NAA50: variants seen among roughly 807,000 people sequenced by gnomAD.
NAA50 encodes the protein N-alpha-acetyltransferase 50, NatE catalytic subunit, also known as N-alpha-acetyltransferase 50.
A neutral mutation model predicts 20.7 loss-of-function variants in NAA50; 7 were observed. The observed-to-expected ratio is 0.34, with a 90% CI of 0.19 to 0.63. The LOEUF (loss-of-function observed/expected upper bound fraction) is 0.63. Among genes scored for constraint, NAA50 ranks in the 30% least tolerant of loss-of-function variants. The pLI is 0.75. For synonymous variants in NAA50, 54 were observed against 70.6 expected, an observed-to-expected ratio of 0.77 and a Z score of 1.18; for missense variants, 111 against 199.1, an observed-to-expected ratio of 0.56 and a Z score of 2.66.
In NAA50 at chr3:113,719,343, C is replaced by G. The variant is rs1411862466; in HGVS notation, c.*2417G>C. 6.6e-6 allele frequency: 1 copy of G among 152,544 alleles called. No homozygotes were observed. Among genetic ancestry groups the G allele is most frequent in the Non-Finnish European group, 1.5e-5 (1 of 68,024 alleles). 9.4% of individuals were successfully genotyped at this position (152,544 alleles called of 1,614,324 possible). Reference sequence around the variant, plus strand: ...GTGTAATTTTAACCTATTTGCCCCACAGTAAAAACTATCTGTCCTGAAAAA... The same window carrying G: ...GTGTAATTTTAACCTATTTGCCCCAGAGTAAAAACTATCTGTCCTGAAAAA... On this transcript the variant is annotated 3_prime_UTR_variant, in exon 5 of 5. Transcript: ENST00000240922.
At chr3:113,726,332 C>T (rs35964005) in intron 1 of NAA50, among the ~76,000 whole-genome samples, 2,509 of 152,240 alleles carry the variant, frequency 0.016, 22 homozygotes, top group Non-Finnish European at 0.027. Context: ...AGTCTTTTCT[C>T]ATCCCAAGTA....
At position 113,721,660 on chromosome 3, in the gene NAA50, G is replaced by T; in HGVS notation, c.*100C>A. The T allele has an allele frequency of 7.9e-7, 1 of 1,265,910 alleles. No individual in the cohort carries two copies. Among genetic ancestry groups the T allele is most frequent in the Non-Finnish European group, 1.1e-6 (1 of 889,068 alleles). The allele number at this position is 1,265,910 out of a possible 1,614,324, so 78.4% of individuals were successfully genotyped here. ...AAAGAAAAACAAGAACAAGGAGGGA[G>T]AAAAGCTTTAAAAGAAAAGTGTTGG... On this transcript the variant is annotated 3_prime_UTR_variant, in exon 5 of 5. Transcript: ENST00000240922.
At chr3:113,722,191 A>G (rs1708143961) in intron 4 of NAA50, among the ~76,000 whole-genome samples, 1 of 152,176 alleles carries the variant, frequency 6.6e-6, no homozygotes, top group Admixed American at 6.5e-5. Flanking sequence ...AGGGAAAAGT[A>G]CCACAGCTAT....
At chr3:113,722,521 A>C (rs1346407400) in intron 4 of NAA50, among the ~76,000 whole-genome samples, 5 of 152,132 alleles carry the variant, frequency 3.3e-5, no homozygotes, top group African/African-American at 1.2e-4. Flanking sequence ...GATTTTGATT[A>C]TTAAACTCTA....
chr3:113,725,556 T>C (rs1708188775), intron 1 of NAA50, among the ~76,000 whole-genome samples: 1 of 152,098 alleles, frequency 6.6e-6, no homozygotes, highest in African/African-American at 2.4e-5. Context: ...CTTTGAGCCC[T>C]GGAGTTCAAG....
chr3:113,740,340 A>C (rs1241723031), intron 1 of NAA50, among the ~76,000 whole-genome samples: 2 of 152,200 alleles, frequency 1.3e-5, no homozygotes, highest in East Asian at 3.8e-4. Flanking sequence ...AGTTGTTTCA[A>C]ACATAAAAAC....
Position 113,717,795 on chromosome 3 carries a change from T to G in NAA50, c.*3965A>C, listed in dbSNP as rs1364226239. On this transcript the variant is annotated 3_prime_UTR_variant, in exon 5 of 5. Coordinates refer to ENST00000240922, the MANE Select transcript of NAA50 (RefSeq NM_025146.4). ...CTATTTCTTTTATATCCCGAATAAC[T>G]GTAAAGTGCAGTGCTTTATAACCCT... 6.6e-6 allele frequency: 1 copy of G among 152,202 alleles called. No individual in the cohort carries two copies. Among genetic ancestry groups the G allele is most frequent in the African/African-American group, 2.4e-5 (1 of 41,442 alleles). The allele number at this position is 152,202 out of a possible 1,614,324, so 9.4% of individuals were successfully genotyped here.
chr3:113,725,816 G>T (rs1161147758), intron 1 of NAA50, among the ~76,000 whole-genome samples: 1 of 128,712 alleles, frequency 7.8e-6, no homozygotes, highest in African/African-American at 3.0e-5. Context: ...TTCTAAATTT[G>T]ATTTATCTGG....
intron 1 of NAA50, among the ~76,000 whole-genome samples, chr3:113,735,181 T>C (rs1187094091): frequency 6.6e-6 from 1 of 152,168 alleles, no homozygotes. Context: ...AACAGGAACC[T>C]ACAAAGATGT....
intron 1 of NAA50, among the ~76,000 whole-genome samples, chr3:113,740,406 G>C (rs929469334): frequency 6.6e-6 from 1 of 152,188 alleles, no homozygotes; most frequent in Non-Finnish European, 1.5e-5. Flanking sequence ...CTGTCACCCA[G>C]GCTAGAGTGC....
intron 1 of NAA50, among the ~76,000 whole-genome samples, chr3:113,732,746 T>C (rs1434686620): frequency 6.6e-6 from 1 of 152,206 alleles, no homozygotes; most frequent in African/African-American, 2.4e-5. Flanking sequence ...AGGTTCCAGA[T>C]AGATAATAAT....
At chr3:113,725,004 C>T (rs1708183951) in intron 1 of NAA50, among the ~76,000 whole-genome samples, 1 of 152,180 alleles carries the variant, frequency 6.6e-6, no homozygotes, top group Non-Finnish European at 1.5e-5. Flanking sequence ...ATTACCCAGT[C>T]TCGGGTATGT....
chr3:113,741,696 T>TG (rs1335916463), intron 1 of NAA50, among the ~76,000 whole-genome samples: 1 of 152,230 alleles, frequency 6.6e-6, no homozygotes, highest in Non-Finnish European at 1.5e-5. Context: ...GATGAGTGCT[T>TG]GGACTACTAA....
chr3:113,728,021 A>G (rs1025051941), intron 1 of NAA50, among the ~76,000 whole-genome samples: 1 of 152,086 alleles, frequency 6.6e-6, no homozygotes, highest in African/African-American at 2.4e-5. Context: ...TGGATTTTCT[A>G]AATATATCAA....
chr3:113,744,267 G>A (rs927346252), intron 1 of NAA50, among the ~76,000 whole-genome samples: 3 of 152,042 alleles, frequency 2.0e-5, no homozygotes, highest in Non-Finnish European at 4.4e-5. Context: ...TTTGAGACCA[G>A]CCTGGCCAAC....
At chr3:113,728,821 A>T (rs901071437) in intron 1 of NAA50, among the ~76,000 whole-genome samples, 2 of 152,184 alleles carry the variant, frequency 1.3e-5, no homozygotes, top group African/African-American at 4.8e-5. Context: ...CTTCAAAGTG[A>T]ACATACTGCA....
At chr3:113,730,805 G>A (rs1164252932) in intron 1 of NAA50, among the ~76,000 whole-genome samples, 1 of 152,198 alleles carries the variant, frequency 6.6e-6, no homozygotes, top group East Asian at 1.9e-4. Flanking sequence ...CCATTATGTG[G>A]ATGTACTGTA....
chr3:113,730,752 G>C (rs1189059689), intron 1 of NAA50, among the ~76,000 whole-genome samples: 1 of 152,182 alleles, frequency 6.6e-6, no homozygotes, highest in African/African-American at 2.4e-5. Flanking sequence ...CCCCGGTGTT[G>C]TGCATATCAA....
intron 1 of NAA50, chr3:113,741,245 C>T: frequency 2.4e-6 from 1 of 408,540 alleles, no homozygotes; most frequent in South Asian, 2.1e-5. Context: ...AGTACACAGA[C>T]TGCAGACATC....
Sources: gnomAD v4.1 joint callset for allele counts (sites outside exome capture counted in the v4.1 genomes callset) on GRCh38, gnomAD v4.1.1 for gene constraint, MANE v1.5 for transcripts, NCBI Gene and HGNC (gene_info 2026-07-23, HGNC 2026-07-21) for gene names.